The following CKM variants were observed in gnomAD, a reference collection of about 807,000 sequenced individuals.
CKM encodes creatine kinase, M-type.
In CKM, 28 loss-of-function variants were observed where a neutral mutation model predicts 35.4. The ratio of observed to expected loss-of-function variants is 0.79; its 90% CI spans 0.59 to 1.08. The LOEUF (loss-of-function observed/expected upper bound fraction) is 1.08, where lower values mean the gene tolerates loss of function less well. Ranked by LOEUF, CKM falls within the 50% of genes least tolerant of loss-of-function variation. The pLI, the probability that CKM is intolerant of heterozygous loss-of-function variation, is 0.00. For missense variants in CKM, 484 were observed against 509.8 expected (o/e 0.95, Z 0.49); for synonymous variants, 215 against 204.4 (o/e 1.05, Z -0.44).
chr19:45,308,721 C>T (rs561226503), intron 5 of CKM, among the ~76,000 whole-genome samples, 189 bp from the exon 6 acceptor site: 2 of 152,142 alleles, frequency 1.3e-5, no homozygotes, highest in Non-Finnish European at 2.9e-5. Context: ...ATCTGCAAAA[C>T]GCTGAATCCT....
Position 45,317,916 on chromosome 19 carries a change from T to C in CKM, c.257A>G (p.Lys86Arg), listed in dbSNP as rs758407982. Residue 86 changes from lysine (K) to arginine (R), a missense_variant, in exon 3 of 8, where the codon AAG (lysine) becomes AGG (arginine). Lys to Arg is a conservative substitution (Grantham distance 26, BLOSUM62 2). Transcript: ENST00000221476. Reference protein sequence around the residue: ...AGDEESYEVFKELFDPIISDR... With the variant: ...AGDEESYEVFRELFDPIISDR... ...CGAGATGATGGGGTCAAAGAGTTCC[T>C]TGAAAACTTCGTAGGACTCCTCATC... The C allele has an allele frequency of 1.9e-6, 3 of 1,613,764 alleles. No individual in the cohort carries two copies. The highest frequency in any genetic ancestry group is 1.7e-5 in the Admixed American group (1 of 59,928).
chr19:45,306,552 T>G lies in CKM; in HGVS notation c.*198A>C, dbSNP rs1954567444. The G allele has an allele frequency of 3.2e-6, 2 of 615,506 alleles. No homozygotes were observed. The highest frequency in any genetic ancestry group is 2.7e-5 in the East Asian group (1 of 36,628). The allele number at this position is 615,506 out of a possible 1,614,324, so 38.1% of individuals were successfully genotyped here. A position where few individuals can be genotyped will look rare whatever the true frequency, so the allele number is the denominator to read the frequency against. ...AGAAGAGGACCCTGCCAGGGAGATA[T>G]TTCATTGGCCAGAATCCAGAGGATG... On this transcript the variant is annotated 3_prime_UTR_variant, in exon 8 of 8. Coordinates refer to ENST00000221476, the MANE Select transcript of CKM (RefSeq NM_001824.5). The surrounding 1 kb of genome is among the most constrained non-coding windows in gnomAD (Gnocchi z 4.5).
chr19:45,312,067 C>A, intron 4 of CKM, 147 bp from the exon 5 acceptor site: 1 of 898,880 alleles, frequency 1.1e-6, no homozygotes, highest in South Asian at 1.4e-5. Context: ...TGTGTCTAAA[C>A]CCACACTTGT....
At chr19:45,308,311 G>A in intron 6 of CKM, 98 bp downstream of exon 6, 1 of 1,468,690 alleles carries the variant, frequency 6.8e-7, no homozygotes, top group South Asian at 1.1e-5. Context: ...GAAAATGGGT[G>A]GGGCAGGGCT....
rs533046578 is a variant in CKM, at chr19:45,315,633, C to A, written c.349-36G>T. The A allele has an allele frequency of 7.5e-6, 12 of 1,599,210 alleles. No homozygotes were observed. The East Asian group carries it at 2.0e-4, about 27-fold the overall frequency. The stretch of plus-strand genomic sequence containing the variant: ...GGTGGGAGATCAGGACCAGGCAGAT[C>A]CTCCGCCCTCTCCAGCAAGCCCAGG... On this transcript the variant is annotated intron_variant, in intron 3 of 7. Transcript: ENST00000221476.
chr19:45,315,793 T>G (rs1476011387), intron 3 of CKM, among the ~76,000 whole-genome samples, 196 bp from the exon 4 acceptor site: 1 of 151,904 alleles, frequency 6.6e-6, no homozygotes, highest in Non-Finnish European at 1.5e-5. Context: ...CTCTCCCCTC[T>G]CCTATCTCTG....
At chr19:45,321,337 A>G (rs17875590) in intron 1 of CKM, among the ~76,000 whole-genome samples, 12,547 of 152,006 alleles carry the variant, frequency 0.083, 647 homozygotes, top group Non-Finnish European at 0.089. Context: ...AGGGCTGGGT[A>G]GCTGCCCCCA....
chr19:45,319,851 CACG>C (rs1274097008), intron 1 of CKM, 120 bp from the exon 2 acceptor site: 2 of 768,354 alleles, frequency 2.6e-6, no homozygotes, highest in African/African-American at 3.5e-5. Context: ...AGTGCAGTGG[CACG>C]ATCTCGGCTC....
At chr19:45,312,420 TC>T (rs920469831) in intron 4 of CKM, among the ~76,000 whole-genome samples, 4 of 149,514 alleles carry the variant, frequency 2.7e-5, no homozygotes, top group African/African-American at 9.8e-5. Context: ...AAGACCCCCA[TC>T]TTTTTTTTTT....
intron 4 of CKM, 32 bp from the exon 5 acceptor site, chr19:45,311,952 C>T: frequency 6.2e-7 from 1 of 1,611,936 alleles, no homozygotes; most frequent in Middle Eastern, 1.7e-4. Flanking sequence ...TGGTCAGCAG[C>T]CTGTCCCACC....
chr19:45,307,665 G>C lies in CKM; in HGVS notation c.778-15C>G, dbSNP rs1314103416. 2 of 1,612,390 alleles carry C rather than the reference G, an allele frequency of 1.2e-6. No individual in the cohort carries two copies. Among genetic ancestry groups the C allele is most frequent in the Non-Finnish European group, 1.7e-6 (2 of 1,179,252 alleles). On this transcript the variant is annotated splice_polypyrimidine_tract_variant and intron_variant, in intron 6 of 7. Coordinates refer to ENST00000221476, the MANE Select transcript of CKM (RefSeq NM_001824.5). ...ATCTCCTCAATCTGAGGTTCAGAGA[G>C]AGGACCAGGGGTCAGCGCCGGCAGG...
In CKM at chr19:45,306,641, G is replaced by A. The variant is rs1971053977; in HGVS notation, c.*109C>T. The A allele has an allele frequency of 8.7e-6, 10 of 1,152,160 alleles. No homozygotes were observed. The highest frequency in any genetic ancestry group is 1.2e-5 in the Non-Finnish European group (9 of 776,070). The allele number at this position is 1,152,160 out of a possible 1,614,324, so 71.4% of individuals were successfully genotyped here. On this transcript the variant is annotated 3_prime_UTR_variant, in exon 8 of 8. Transcript: ENST00000221476. This position sits in a 1 kb window ranked among gnomAD's most constrained non-coding sequence, Gnocchi z 4.5. ...TGAGAAGGGTGGAGAGAGCCCCCAG[G>A]TGGGACTCTGGGACAGGGGGCGGGG...
intron 1 of CKM, among the ~76,000 whole-genome samples, chr19:45,320,146 G>T (rs1473608881): frequency 6.6e-6 from 1 of 151,626 alleles, no homozygotes; most frequent in African/African-American, 2.4e-5. Context: ...GAGTGCAGTG[G>T]CGAGACCTCG....
In CKM at chr19:45,306,709, A is replaced by G; in HGVS notation, c.*41T>C. On this transcript the variant is annotated 3_prime_UTR_variant, in exon 8 of 8. Coordinates refer to ENST00000221476, the MANE Select transcript of CKM (RefSeq NM_001824.5). The surrounding 1 kb of genome is among the most constrained non-coding windows in gnomAD (Gnocchi z 4.5). Reference sequence around the variant, plus strand: ...GGACTCTGGTGGGCCAGGCCCTCCCACTGGCTGGGTTCCAGCAGTCGGTGG... The same window carrying G: ...GGACTCTGGTGGGCCAGGCCCTCCCGCTGGCTGGGTTCCAGCAGTCGGTGG... The G allele has an allele frequency of 6.2e-7, 1 of 1,610,672 alleles. No individual in the cohort carries two copies. Among genetic ancestry groups the G allele is most frequent in the Non-Finnish European group, 8.5e-7 (1 of 1,177,884 alleles).
At chr19:45,319,982 G>A (rs1188263898) in intron 1 of CKM, among the ~76,000 whole-genome samples, 3 of 151,886 alleles carry the variant, frequency 2.0e-5, no homozygotes, top group South Asian at 2.1e-4. Context: ...GTAGAGACGG[G>A]GTTTCACCAT....
chr19:45,307,017 T>A (rs531761192), intron 7 of CKM, 89 bp from the exon 8 acceptor site: 9 of 1,278,084 alleles, frequency 7.0e-6, no homozygotes, highest in Non-Finnish European at 1.0e-5. Flanking sequence ...AACAGCCGCA[T>A]GTAGTGAGTG....
At chr19:45,317,640 T>G (rs1040508377) in intron 3 of CKM, among the ~76,000 whole-genome samples, 185 bp downstream of exon 3, 3 of 151,914 alleles carry the variant, frequency 2.0e-5, no homozygotes, top group Admixed American at 6.6e-5. Context: ...CAGGCTGGTC[T>G]TGAACTCCTG....
rs17875643 is a variant in CKM at position 45,321,925 on chromosome 19, G to C, written c.-19+896C>G. Among the ~76,000 whole-genome samples the C allele has an allele frequency of 8.9e-4, 135 of 152,108 alleles. 2 individuals are homozygous for C. Among genetic ancestry groups the C allele is most frequent in the Admixed American group, 2.1e-3 (32 of 15,266 alleles). On this transcript the variant is annotated intron_variant, in intron 1 of 7. Transcript: ENST00000221476. ...AGCCAGGGAAGAGGAACAGGGACCC[G>C]CCAAAGACCTTGGGTGCTGCTGTCC...
intron 2 of CKM, among the ~76,000 whole-genome samples, chr19:45,318,866 T>TTC (rs1048739453): frequency 4.0e-5 from 6 of 149,476 alleles, no homozygotes; most frequent in African/African-American, 1.5e-4. Flanking sequence ...TCAGATTCTT[T>TTC]TTTTTTTTTT....
Sources: gnomAD v4.1 joint callset for allele counts (sites outside exome capture counted in the v4.1 genomes callset) on GRCh38, gnomAD v4.1.1 for gene constraint, Gnocchi (gnomAD v3.1) non-coding constraint, MANE v1.5 for transcripts, NCBI Gene and HGNC (gene_info 2026-07-23, HGNC 2026-07-21) for gene names.